Variants in RHBG observed in about 807,000 individuals in gnomAD.
RHBG encodes ammonium transporter Rh type B.
Under a neutral mutation model 40.1 loss-of-function variants are expected in RHBG, and 39 were observed. That is an observed-to-expected ratio of 0.97 (90% CI 0.75 to 1.27). RHBG has a LOEUF of 1.27. Ranked by LOEUF, RHBG falls within the 50% of genes most tolerant of loss-of-function variation. The pLI is 0.00. For synonymous variants in RHBG, 237 were observed against 252.5 expected, an observed-to-expected ratio of 0.94 and a Z score of 0.58; for missense variants, 549 against 588.1, an observed-to-expected ratio of 0.93 and a Z score of 0.69.
intron 4 of RHBG, among the ~76,000 whole-genome samples, chr1:156,380,028 T>C (rs1350020403): frequency 6.6e-6 from 1 of 152,196 alleles, no homozygotes; most frequent in East Asian, 1.9e-4. Flanking sequence ...GAGGTTATCA[T>C]TGTTTTCCTG....
At chr1:156,378,172 T>TG in intron 3 of RHBG, 32 bp downstream of exon 3, 2 of 348,908 alleles carry the variant, frequency 5.7e-6, no homozygotes, top group Non-Finnish European at 8.8e-6. Context: ...GAGTCGGGGG[T>TG]GGGGGGTGGT....
chr1:156,375,626 A>G (rs1570995076), intron 1 of RHBG, among the ~76,000 whole-genome samples: 1 of 152,204 alleles, frequency 6.6e-6, no homozygotes, highest in Non-Finnish European at 1.5e-5. Flanking sequence ...CTGGGCAGCA[A>G]CATAGCAAGA....
intron 1 of RHBG, among the ~76,000 whole-genome samples, chr1:156,372,426 C>T (rs1666918464): frequency 6.6e-6 from 1 of 152,180 alleles, no homozygotes; most frequent in Admixed American, 6.5e-5. Flanking sequence ...TAAAGGGCCA[C>T]AGAAGCAAAC....
In RHBG at chr1:156,378,335, C is replaced by A. The variant is rs534576776; in HGVS notation, c.609C>A (p.Pro203=). The A allele has an allele frequency of 1.7e-5, 27 of 1,613,806 alleles. No homozygotes were observed. The African/African-American group carries it at 3.3e-4, about 20-fold the overall frequency. ...GLVLSRVLYR[P]QLEKSKHRQG... is the part of the protein sequence containing the mutation. Reference sequence around the variant, plus strand: ...TCCTTTCGCGGGTTCTGTACAGGCCCCAGCTGGAGAAGAGCAAGCACCGCC... The same window carrying A: ...TCCTTTCGCGGGTTCTGTACAGGCCACAGCTGGAGAAGAGCAAGCACCGCC... Residue 203 remains proline, a synonymous_variant, in exon 4 of 10, where the codon CCC becomes CCA. Transcript: ENST00000537040.
intron 1 of RHBG, among the ~76,000 whole-genome samples, chr1:156,372,292 G>C (rs1261331320): frequency 6.6e-6 from 1 of 152,196 alleles, no homozygotes; most frequent in Non-Finnish European, 1.5e-5. Context: ...GCAAGTTACA[G>C]AAGGAGCCAG....
At position 156,369,220 on chromosome 1, in the gene RHBG, C is replaced by T. The variant is rs767007993; in HGVS notation, c.-30C>T. The T allele has an allele frequency of 6.2e-7, 1 of 1,601,530 alleles. No homozygotes were observed. The highest frequency in any genetic ancestry group is 1.3e-5 in the African/African-American group (1 of 74,560). On this transcript the variant is annotated 5_prime_UTR_variant, in exon 1 of 10. Transcript: ENST00000537040. ...GCCGGGAATTGTCTGCCAAAGCCTG[C>T]GAGCGCCAGCCGAGATCGCAGCCCA...
chr1:156,378,252 G>A lies in RHBG; in HGVS notation c.526G>A (p.Val176Met). 1 of 1,613,808 alleles carries A rather than the reference G, an allele frequency of 6.2e-7. No homozygotes were observed. The highest frequency in any genetic ancestry group is 2.2e-5 in the East Asian group (1 of 44,866). The change falls in exon 4 of 10, where the codon GTG (valine) becomes ATG (methionine). Residue 176 changes from valine to methionine, a missense_variant and splice_region_variant. Physicochemically the swap from Val to Met is conservative, Grantham distance 21. Around this residue, in one of 3 missense-constraint regions of RHBG, gnomAD observed 399 missense variants for 417.0 expected, o/e 0.96. Coordinates refer to ENST00000537040, the MANE Select transcript of RHBG (RefSeq NM_020407.5). Reference protein sequence around the residue: ...NEFVLLHLLGVRDAGGSMTIH... With the variant: ...NEFVLLHLLGMRDAGGSMTIH... Reference sequence around the variant, plus strand: ...GCTGCCTCTCACCCCACCTCCCCAGGTGAGAGATGCCGGAGGCTCCATGAC... The same window carrying A: ...GCTGCCTCTCACCCCACCTCCCCAGATGAGAGATGCCGGAGGCTCCATGAC...
chr1:156,376,250 A>G (rs1240630284), intron 1 of RHBG, among the ~76,000 whole-genome samples: 1 of 151,880 alleles, frequency 6.6e-6, no homozygotes, highest in Non-Finnish European at 1.5e-5. Flanking sequence ...ATGTTGCACA[A>G]CTCCAGGGGG....
intron 1 of RHBG, among the ~76,000 whole-genome samples, chr1:156,369,766 A>G (rs1028392682): frequency 2.0e-5 from 3 of 152,094 alleles, no homozygotes; most frequent in Non-Finnish European, 4.4e-5. Flanking sequence ...CCCAGCTTTA[A>G]CCATCCTCTT....
Position 156,375,685 on chromosome 1 carries a change from T to C in RHBG, c.188-1616T>C, listed in dbSNP as rs545648816. 2.0e-5 allele frequency among the ~76,000 whole-genome samples: 3 copies of C among 151,906 alleles called. No homozygotes were observed. The South Asian group carries it at 6.2e-4, about 32-fold the overall frequency. The stretch of plus-strand genomic sequence containing the variant: ...AAAATTCAATAATTATTTTCTGACT[T>C]GTTGGTGTGCCTCATCAGATTCCAC... On this transcript the variant is annotated intron_variant, in intron 1 of 9. Transcript: ENST00000537040.
intron 4 of RHBG, among the ~76,000 whole-genome samples, chr1:156,378,996 C>CT (rs1173676129): frequency 0.018 from 2,538 of 141,504 alleles, 18 homozygotes; most frequent in Middle Eastern, 0.048. Flanking sequence ...GCTTCTTCTT[C>CT]TTTTTTTTTT....
intron 1 of RHBG, chr1:156,371,101 C>A: frequency 2.5e-6 from 1 of 407,664 alleles, no homozygotes; most frequent in Non-Finnish European, 4.7e-6. Context: ...TACATTCAAA[C>A]AAGGCCTAGA....
chr1:156,377,527 C>CG lies in RHBG; in HGVS notation c.374+43dup. The CG allele has an allele frequency of 1.9e-6, 3 of 1,578,832 alleles. No individual in the cohort carries two copies. The highest frequency in any genetic ancestry group is 2.6e-6 in the Non-Finnish European group (3 of 1,155,308). ...CCCACCCAGCTCCCCAAGGTTCACT[C>CG]GGGAGGCCCCTGCCCATGGGCCCCG... On this transcript the variant is annotated intron_variant, in intron 2 of 9. Coordinates refer to ENST00000537040, the MANE Select transcript of RHBG (RefSeq NM_020407.5). This position sits in a 1 kb window ranked among gnomAD's most constrained non-coding sequence, Gnocchi z 4.6.
chr1:156,377,901 A>AAAAATCAG lies in RHBG; in HGVS notation c.375-89_375-88insAAAATCAG. The AAAAATCAG allele has an allele frequency of 8.1e-7, 1 of 1,230,002 alleles. No individual in the cohort carries two copies. The highest frequency in any genetic ancestry group is 1.1e-6 in the Non-Finnish European group (1 of 889,784). The allele number at this position is 1,230,002 out of a possible 1,614,324, so 76.2% of individuals were successfully genotyped here. A position where few individuals can be genotyped will look rare whatever the true frequency, so the allele number is the denominator to read the frequency against. On this transcript the variant is annotated intron_variant, in intron 2 of 9. Transcript: ENST00000537040. The surrounding 1 kb of genome is among the most constrained non-coding windows in gnomAD (Gnocchi z 4.6). ...ACTCCAACCCCACCCCACCCACCACATCATGCTGTCCTGGCTTCATGCCAG... is the reference window on the plus strand; with the variant it reads ...ACTCCAACCCCACCCCACCCACCACAAAAATCAGTCATGCTGTCCTGGCTTCATGCCAG...
intron 1 of RHBG, among the ~76,000 whole-genome samples, chr1:156,375,683 CTTG>C (rs1033146980): frequency 4.6e-5 from 7 of 151,688 alleles, no homozygotes; most frequent in African/African-American, 1.2e-4. Flanking sequence ...TATTTTCTGA[CTTG>C]TTGGTGTGCC....
intron 1 of RHBG, among the ~76,000 whole-genome samples, chr1:156,376,170 A>G (rs1410476608): frequency 6.6e-6 from 1 of 152,192 alleles, no homozygotes; most frequent in Non-Finnish European, 1.5e-5. Context: ...CAAGTAATTC[A>G]TCTATAAAGT....
chr1:156,382,984 T>G (rs1667770985), intron 8 of RHBG, 115 bp downstream of exon 8: 5 of 1,465,328 alleles, frequency 3.4e-6, no homozygotes, highest in Admixed American at 1.8e-5. Context: ...AAGTAGGGAT[T>G]GGGTTGTGGG....
intron 1 of RHBG, chr1:156,371,178 T>G: frequency 4.7e-6 from 2 of 428,756 alleles, no homozygotes; most frequent in Non-Finnish European, 9.1e-6. Flanking sequence ...TTTTTTTTTT[T>G]TAGAAGAGTC....
chr1:156,376,260 G>A (rs1224968826), intron 1 of RHBG, among the ~76,000 whole-genome samples: 1 of 152,066 alleles, frequency 6.6e-6, no homozygotes, highest in African/African-American at 2.4e-5. Flanking sequence ...ACTCCAGGGG[G>A]CATCATTTGC....
Sources: gnomAD v4.1 joint callset for allele counts (sites outside exome capture counted in the v4.1 genomes callset) on GRCh38, gnomAD v4.1.1 for gene constraint, gnomAD v4.1.1 regional missense constraint, Gnocchi (gnomAD v3.1) non-coding constraint, MANE v1.5 for transcripts, NCBI Gene and HGNC (gene_info 2026-07-23, HGNC 2026-07-21) for gene names.